The following HHAT variants were observed in gnomAD, a reference collection of about 807,000 sequenced individuals.
The protein encoded by HHAT is protein-cysteine N-palmitoyltransferase HHAT.
In HHAT, 47 loss-of-function variants were observed where a neutral mutation model predicts 70.8. The ratio of observed to expected loss-of-function variants is 0.66; its 90% CI spans 0.53 to 0.85. HHAT has a LOEUF of 0.85. Ranked by LOEUF, HHAT falls within the 40% of genes least tolerant of loss-of-function variation. The pLI is 0.00. For synonymous variants in HHAT, 228 were observed against 247.6 expected, an observed-to-expected ratio of 0.92 and a Z score of 0.74; for missense variants, 609 against 604.8, an observed-to-expected ratio of 1.01 and a Z score of -0.07.
chr1:210,382,940 C>T (rs1216966029), intron 3 of HHAT, among the ~76,000 whole-genome samples: 3 of 152,306 alleles, frequency 2.0e-5, no homozygotes, highest in Non-Finnish European at 4.4e-5. Flanking sequence ...TGAAACCCGG[C>T]TCTGCCCCTT....
rs542535128 is a variant in HHAT at position 210,423,572 on chromosome 1, T to G, written c.856+5247T>G. On this transcript the variant is annotated intron_variant, in intron 7 of 11. Transcript: ENST00000261458. ...GCTTTTTAGTTTGATATATCCCATT[T>G]GTTTATTTTTGCTTTTGTTGCCTGT... Among the ~76,000 whole-genome samples, 4 of 152,338 alleles carry G rather than the reference T, an allele frequency of 2.6e-5. No homozygotes were observed. The South Asian group carries it at 8.3e-4, about 32-fold the overall frequency.
chr1:210,350,590 G>A (rs2086927800), intron 2 of HHAT, among the ~76,000 whole-genome samples: 1 of 152,140 alleles, frequency 6.6e-6, no homozygotes, highest in African/African-American at 2.4e-5. Context: ...CTGATATATA[G>A]GAAAGCAATT....
At chr1:210,653,497 T>G (rs1675619141) in intron 11 of HHAT, among the ~76,000 whole-genome samples, 1 of 148,448 alleles carries the variant, frequency 6.7e-6, no homozygotes, top group Admixed American at 6.8e-5. Context: ...ACCACTGCAT[T>G]CCAGCCTGGG....
intron 8 of HHAT, among the ~76,000 whole-genome samples, chr1:210,489,463 A>AT (rs1425036304): frequency 6.6e-6 from 1 of 152,238 alleles, no homozygotes; most frequent in Non-Finnish European, 1.5e-5. Context: ...AGCCTTCATG[A>AT]GAGAGAAGCA....
At chr1:210,370,879 G>C (rs536185736) in intron 3 of HHAT, among the ~76,000 whole-genome samples, 2 of 152,152 alleles carry the variant, frequency 1.3e-5, no homozygotes, top group Non-Finnish European at 2.9e-5. Flanking sequence ...CTCCCAAAGT[G>C]CTGGGATTAC....
chr1:210,599,912 CT>C (rs763415463), intron 10 of HHAT, among the ~76,000 whole-genome samples: 20 of 152,134 alleles, frequency 1.3e-4, no homozygotes, highest in Non-Finnish European at 2.6e-4. Context: ...CTCCTCCCCC[CT>C]CACCTCTCTG....
At chr1:210,471,841 C>T (rs1378167006) in intron 8 of HHAT, among the ~76,000 whole-genome samples, 3 of 151,994 alleles carry the variant, frequency 2.0e-5, no homozygotes, top group Admixed American at 2.0e-4. Flanking sequence ...AAGTTTTTTG[C>T]AGATTTAAAC....
At chr1:210,534,474 A>G (rs956241604) in intron 9 of HHAT, among the ~76,000 whole-genome samples, 1 of 152,184 alleles carries the variant, frequency 6.6e-6, no homozygotes, top group African/African-American at 2.4e-5. Flanking sequence ...GTACAGAAAT[A>G]CAGGTGGAGT....
intron 7 of HHAT, among the ~76,000 whole-genome samples, chr1:210,434,225 G>A (rs1453574506): frequency 6.6e-6 from 1 of 151,916 alleles, no homozygotes; most frequent in Non-Finnish European, 1.5e-5. Flanking sequence ...GGTTGCCACT[G>A]TTCATTCGGG....
At chr1:210,623,197 G>A (rs1438529237) in intron 10 of HHAT, among the ~76,000 whole-genome samples, 3 of 152,002 alleles carry the variant, frequency 2.0e-5, no homozygotes, top group Admixed American at 6.6e-5. Flanking sequence ...TTAGCCTCCC[G>A]AGTAGCTGGG....
intron 3 of HHAT, 98 bp downstream of exon 3, chr1:210,363,017 C>A: frequency 2.8e-6 from 3 of 1,055,032 alleles, no homozygotes; most frequent in South Asian, 1.3e-5. Flanking sequence ...TCAGATTCAG[C>A]AGCAATCTGG....
At chr1:210,435,657 C>T (rs1042008320) in intron 7 of HHAT, among the ~76,000 whole-genome samples, 2 of 151,728 alleles carry the variant, frequency 1.3e-5, no homozygotes, top group Non-Finnish European at 2.9e-5. Flanking sequence ...TAAAAGCCAT[C>T]CTAACTGGGG....
At chr1:210,394,571 G>A (rs1456796844) in intron 4 of HHAT, among the ~76,000 whole-genome samples, 1 of 152,146 alleles carries the variant, frequency 6.6e-6, no homozygotes, top group African/African-American at 2.4e-5. Context: ...AGACTGGCCT[G>A]GTGTAGGGTT....
intron 10 of HHAT, among the ~76,000 whole-genome samples, chr1:210,603,777 A>T (rs1394010197): frequency 1.3e-5 from 2 of 152,218 alleles, no homozygotes; most frequent in Non-Finnish European, 2.9e-5. Flanking sequence ...AGTATCTCAC[A>T]TTCCTTCCAA....
chr1:210,420,798 T>C (rs2092880011), intron 7 of HHAT, among the ~76,000 whole-genome samples: 1 of 152,166 alleles, frequency 6.6e-6, no homozygotes, highest in Non-Finnish European at 1.5e-5. Flanking sequence ...CAATGAATAC[T>C]GACTGATATT....
intron 9 of HHAT, among the ~76,000 whole-genome samples, chr1:210,554,488 C>G (rs1399312558): frequency 6.6e-6 from 1 of 152,138 alleles, no homozygotes; most frequent in Non-Finnish European, 1.5e-5. Flanking sequence ...GACAAACGCA[C>G]CTTTCTCTAC....
intron 3 of HHAT, among the ~76,000 whole-genome samples, chr1:210,381,489 C>T (rs1202889234): frequency 6.6e-6 from 1 of 152,064 alleles, no homozygotes; most frequent in East Asian, 1.9e-4. Flanking sequence ...CCATGTTGGC[C>T]AGGCTGGTCT....
intron 3 of HHAT, among the ~76,000 whole-genome samples, chr1:210,371,897 G>C (rs190385313): frequency 1.4e-4 from 21 of 152,316 alleles, no homozygotes; most frequent in Non-Finnish European, 2.9e-4. Context: ...TCGATGCAAA[G>C]ATGAAGACAT....
chr1:210,471,554 T>C (rs2094205209), intron 8 of HHAT, among the ~76,000 whole-genome samples: 1 of 152,004 alleles, frequency 6.6e-6, no homozygotes, highest in Non-Finnish European at 1.5e-5. Flanking sequence ...CCTAATGCCT[T>C]ACAGAGGAAG....
Sources: gnomAD v4.1 joint callset for allele counts (sites outside exome capture counted in the v4.1 genomes callset) on GRCh38, gnomAD v4.1.1 for gene constraint, MANE v1.5 for transcripts, NCBI Gene and HGNC (gene_info 2026-07-23, HGNC 2026-07-21) for gene names.